The following CYP2C18 variants were observed in gnomAD, a reference collection of about 807,000 sequenced individuals.
The protein encoded by CYP2C18 is cytochrome P450 family 2 subfamily C member 18, also known as cytochrome P450 2C18.
In CYP2C18, 38 loss-of-function variants were observed where a neutral mutation model predicts 41.3. The observed-to-expected ratio is 0.92, with a 90% confidence interval of 0.71 to 1.21. The LOEUF (loss-of-function observed/expected upper bound fraction) is 1.21, where lower values mean the gene tolerates loss of function less well. Ranked by LOEUF, CYP2C18 falls within the 50% of genes most tolerant of loss-of-function variation. The pLI is 0.00. For synonymous variants in CYP2C18, 236 were observed against 210.0 expected, an observed-to-expected ratio of 1.12 and a Z score of -1.07; for missense variants, 635 against 591.4, an observed-to-expected ratio of 1.07 and a Z score of -0.77.
rs1327263574 is a variant in CYP2C18, at chr10:94,720,630, C to T, written c.961+93C>T. 4 of 1,271,746 alleles carry T rather than the reference C, an allele frequency of 3.1e-6. No individual in the cohort carries two copies. The Admixed American group carries it at 8.8e-5, about 28-fold the overall frequency. The allele number at this position is 1,271,746 out of a possible 1,614,324, so 78.8% of individuals were successfully genotyped here. On this transcript the variant is annotated intron_variant, in intron 6 of 8. Coordinates refer to ENST00000285979, the MANE Select transcript of CYP2C18 (RefSeq NM_000772.3). ...CTCAATCTTGTTTCTCTTAGAGAAG[C>T]TTCATTATTGAAATTTCTGTGCCAT...
intron 3 of CYP2C18, among the ~76,000 whole-genome samples, chr10:94,693,888 A>T (rs980654231): frequency 6.6e-6 from 1 of 152,184 alleles, no homozygotes; most frequent in African/African-American, 2.4e-5. Context: ...TATTGCCCTT[A>T]CATTTCAGTA....
intron 4 of CYP2C18, 133 bp from the exon 5 acceptor site, chr10:94,706,651 G>A (rs527270575): frequency 1.4e-4 from 76 of 561,112 alleles, no homozygotes; most frequent in Middle Eastern, 4.8e-4. Flanking sequence ...TACTTTGTAC[G>A]TATAATCAAA....
chr10:94,712,719 C>A (rs1270964076), intron 5 of CYP2C18, among the ~76,000 whole-genome samples: 1 of 152,150 alleles, frequency 6.6e-6, no homozygotes, highest in Non-Finnish European at 1.5e-5. Flanking sequence ...AGCCGAATCA[C>A]TGGATCATGT....
chr10:94,709,461 T>A (rs1307218695), intron 5 of CYP2C18, among the ~76,000 whole-genome samples: 1 of 149,514 alleles, frequency 6.7e-6, no homozygotes, highest in African/African-American at 2.6e-5. Flanking sequence ...ATTATATTTT[T>A]AAAATTATTG....
intron 1 of CYP2C18, among the ~76,000 whole-genome samples, chr10:94,684,649 T>C (rs954780463): frequency 6.6e-6 from 1 of 152,218 alleles, no homozygotes; most frequent in African/African-American, 2.4e-5. Context: ...TCAATAGCAC[T>C]GCAATAAACA....
chr10:94,727,799 G>T (rs891838076), intron 7 of CYP2C18, among the ~76,000 whole-genome samples: 1 of 152,082 alleles, frequency 6.6e-6, no homozygotes, highest in Non-Finnish European at 1.5e-5. Context: ...ATATGGAAAT[G>T]TGCATACATC....
chr10:94,714,099 T>A (rs370358336), intron 5 of CYP2C18, among the ~76,000 whole-genome samples: 1 of 152,236 alleles, frequency 6.6e-6, no homozygotes, highest in East Asian at 1.9e-4. Flanking sequence ...ATGAGTAGAT[T>A]GCAAAAATTT....
intron 7 of CYP2C18, among the ~76,000 whole-genome samples, chr10:94,725,013 G>T (rs910191761): frequency 2.1e-4 from 32 of 150,208 alleles, no homozygotes; most frequent in Non-Finnish European, 1.8e-4. Context: ...GCTTTCTCAT[G>T]TATTACGTTT....
intron 4 of CYP2C18, among the ~76,000 whole-genome samples, chr10:94,698,296 G>A (rs967448325): frequency 1.3e-5 from 2 of 152,192 alleles, no homozygotes; most frequent in African/African-American, 4.8e-5. Context: ...AGACCATGGT[G>A]CAATCAAACT....
rs577325875 is a variant in CYP2C18 at position 94,729,368 on chromosome 10, C to T, written c.1150-3929C>T. ...ACTCAAGAAAATAATCAACAGTAGA[C>T]ACAAGAGTCAAAAATCTTCTCAGGT... On this transcript the variant is annotated intron_variant, in intron 7 of 8. Coordinates refer to ENST00000285979, the MANE Select transcript of CYP2C18 (RefSeq NM_000772.3). 3.3e-5 allele frequency among the ~76,000 whole-genome samples: 5 copies of T among 152,194 alleles called. No individual in the cohort carries two copies. The South Asian group carries it at 1.0e-3, about 32-fold the overall frequency.
chr10:94,688,038 C>T (rs556757426), intron 2 of CYP2C18, 87 bp from the exon 3 acceptor site: 1 of 1,601,608 alleles, frequency 6.2e-7, no homozygotes, highest in Non-Finnish European at 8.5e-7. Context: ...TGGGACAGAA[C>T]TTGACCTGTC....
At chr10:94,697,700 G>T (rs1324155299) in intron 4 of CYP2C18, among the ~76,000 whole-genome samples, 2 of 152,148 alleles carry the variant, frequency 1.3e-5, no homozygotes, top group Non-Finnish European at 2.9e-5. Flanking sequence ...TGGATAAAGA[G>T]TCAAGATCCA....
At position 94,720,396 on chromosome 10, in the gene CYP2C18, G is replaced by A. The variant is rs1381057136; in HGVS notation, c.820G>A (p.Glu274Lys). The A allele has an allele frequency of 1.3e-6, 2 of 1,595,006 alleles. No individual in the cohort carries two copies. Among genetic ancestry groups the A allele is most frequent in the African/African-American group, 1.4e-5 (1 of 73,926 alleles). The change falls in exon 6 of 9, where the codon GAA becomes AAA. Residue 274 changes from glutamate (E) to lysine (K), a missense_variant and splice_region_variant. Glu to Lys is a moderately conservative substitution (Grantham distance 56, BLOSUM62 1). Coordinates refer to ENST00000285979, the MANE Select transcript of CYP2C18 (RefSeq NM_000772.3). ...IDCFLIKMEQ[E>K]KHNQQSEFTV... ...ATTAAATTATGAAATAATTTTTTAG[G>A]AAAAGCACAATCAACAGTCTGAATT...
At chr10:94,733,727 A>G (rs1247583969) in intron 8 of CYP2C18, 8 of 352,924 alleles carry the variant, frequency 2.3e-5, no homozygotes, top group Middle Eastern at 1.4e-3. Flanking sequence ...GCTCTTCTTA[A>G]TGGGTGAAAC....
chr10:94,712,158 A>ATTTTTTT, intron 5 of CYP2C18, among the ~76,000 whole-genome samples: 1 of 142,300 alleles, frequency 7.0e-6, no homozygotes, highest in African/African-American at 2.6e-5. Context: ...TCTTTTTCCA[A>ATTTTTTT]TTTTTTTTTT....
intron 7 of CYP2C18, 47 bp downstream of exon 7, chr10:94,724,580 CAA>C (rs1847706320): frequency 6.5e-7 from 1 of 1,528,394 alleles, no homozygotes; most frequent in South Asian, 1.1e-5. Context: ...TTCAAGTCCC[CAA>C]ATTCATAGTA....
At chr10:94,692,334 A>C (rs1211871813) in intron 3 of CYP2C18, among the ~76,000 whole-genome samples, 1 of 152,152 alleles carries the variant, frequency 6.6e-6, no homozygotes, top group African/African-American at 2.4e-5. Context: ...CAAGAAAAAA[A>C]AAAGATCCCC....
chr10:94,686,509 C>G (rs914600958), intron 1 of CYP2C18, among the ~76,000 whole-genome samples: 32 of 152,220 alleles, frequency 2.1e-4, no homozygotes, highest in African/African-American at 7.2e-4. Context: ...AGAGGAAAAG[C>G]TTTTAGCTTT....
At chr10:94,706,199 G>A (rs1464727475) in intron 4 of CYP2C18, among the ~76,000 whole-genome samples, 1 of 152,162 alleles carries the variant, frequency 6.6e-6, no homozygotes, top group Non-Finnish European at 1.5e-5. Context: ...GAGCTAGCAT[G>A]TCCTGAACTC....
Sources: allele counts gnomAD v4.1 joint callset (sites outside exome capture counted in the v4.1 genomes callset), GRCh38; gene constraint gnomAD v4.1.1; transcripts MANE v1.5; gene names NCBI Gene and HGNC (gene_info 2026-07-23, HGNC 2026-07-21).